Variants in C3orf20 observed in about 807,000 individuals in gnomAD.
The protein encoded by C3orf20 is family with sequence similarity 149 member C, also known as uncharacterized protein C3orf20.
A neutral mutation model predicts 88.3 loss-of-function variants in C3orf20; 76 were observed. The ratio of observed to expected loss-of-function variants is 0.86; its 90% CI spans 0.72 to 1.04. The LOEUF is 1.04. Among genes scored for constraint, C3orf20 ranks in the 50% least tolerant of loss-of-function variants. The pLI, the probability that C3orf20 is intolerant of heterozygous loss-of-function variation, is 0.00. For synonymous variants in C3orf20, 436 were observed against 437.4 expected (o/e 1.00, Z 0.04); for missense variants, 1,056 against 1,123.3 (o/e 0.94, Z 0.86).
At chr3:14,769,019 T>A (rs2035792815) in intron 15 of C3orf20, among the ~76,000 whole-genome samples, 1 of 152,030 alleles carries the variant, frequency 6.6e-6, no homozygotes, top group Non-Finnish European at 1.5e-5. Context: ...TCGTTCACGA[T>A]CCTCTGATGT....
intron 10 of C3orf20, chr3:14,722,715 A>T: frequency 5.1e-6 from 2 of 388,540 alleles, no homozygotes; most frequent in Non-Finnish European, 1.0e-5. Flanking sequence ...CAGCATGAGG[A>T]CTACTTCAAA....
chr3:14,753,994 A>G (rs1171379388), intron 12 of C3orf20, among the ~76,000 whole-genome samples: 1 of 152,186 alleles, frequency 6.6e-6, no homozygotes, highest in East Asian at 1.9e-4. Context: ...TTTACCTTCT[A>G]CTTTCAAAAA....
At chr3:14,709,121 A>G (rs2033638637) in intron 7 of C3orf20, among the ~76,000 whole-genome samples, 1 of 147,810 alleles carries the variant, frequency 6.8e-6, no homozygotes. Context: ...ACTGAAAACT[A>G]CAAAACATTG....
chr3:14,691,619 T>C (rs2032735209), intron 5 of C3orf20, among the ~76,000 whole-genome samples: 1 of 152,214 alleles, frequency 6.6e-6, no homozygotes, highest in Admixed American at 6.5e-5. Flanking sequence ...CATATAACTT[T>C]TTTTAATTTT....
intron 9 of C3orf20, 86 bp downstream of exon 9, chr3:14,715,495 T>C (rs1341159806): frequency 6.7e-7 from 1 of 1,482,208 alleles, no homozygotes; most frequent in Non-Finnish European, 9.0e-7. Context: ...CTGCCTAGCA[T>C]TAAAAGCCCA....
chr3:14,698,322 G>A (rs1230832027), intron 5 of C3orf20, among the ~76,000 whole-genome samples: 1 of 152,226 alleles, frequency 6.6e-6, no homozygotes, highest in Non-Finnish European at 1.5e-5. Flanking sequence ...TTCCTGGATG[G>A]TCTTAATGCC....
In C3orf20 at chr3:14,772,697, G is replaced by T; in HGVS notation, c.2631-94G>T. ...CCAACAGCCTCACCTGTGCAAGGGAGAGGGCCTTGCCCCTCCTGGCCCAAC... is the reference window on the plus strand; with the variant it reads ...CCAACAGCCTCACCTGTGCAAGGGATAGGGCCTTGCCCCTCCTGGCCCAAC... On this transcript the variant is annotated intron_variant, in intron 16 of 16. Coordinates refer to ENST00000253697, the MANE Select transcript of C3orf20 (RefSeq NM_032137.5). The surrounding 1 kb of genome is among the most constrained non-coding windows in gnomAD (Gnocchi z 4.2). 1 of 970,844 alleles carries T rather than the reference G, an allele frequency of 1.0e-6. No individual in the cohort carries two copies. The highest frequency in any genetic ancestry group is 2.5e-5 in the East Asian group (1 of 40,454). The allele number at this position is 970,844 out of a possible 1,614,324, so 60.1% of individuals were successfully genotyped here. A position where few individuals can be genotyped will look rare whatever the true frequency, so the allele number is the denominator to read the frequency against.
chr3:14,729,134 G>A (rs1034216191), intron 12 of C3orf20, among the ~76,000 whole-genome samples: 2 of 152,180 alleles, frequency 1.3e-5, no homozygotes, highest in Admixed American at 6.5e-5. Context: ...TGGACATTGA[G>A]GGTCAGGCCT....
intron 10 of C3orf20, among the ~76,000 whole-genome samples, chr3:14,725,588 C>A (rs989331806): frequency 6.6e-6 from 1 of 152,150 alleles, no homozygotes; most frequent in Admixed American, 6.5e-5. Flanking sequence ...AAGATGAGTG[C>A]AGAAGCAGCA....
intron 12 of C3orf20, among the ~76,000 whole-genome samples, chr3:14,749,178 A>G (rs1226383759): frequency 6.6e-6 from 1 of 152,132 alleles, no homozygotes; most frequent in Non-Finnish European, 1.5e-5. Flanking sequence ...AGATAGAGTA[A>G]CTGTCTTCTA....
chr3:14,677,436 T>A (rs909457256), intron 1 of C3orf20, among the ~76,000 whole-genome samples: 1 of 152,192 alleles, frequency 6.6e-6, no homozygotes, highest in Non-Finnish European at 1.5e-5. Flanking sequence ...CCTGGCAGTT[T>A]GCTGGGTCTG....
chr3:14,734,034 G>A lies in C3orf20; in HGVS notation c.1940+5346G>A, dbSNP rs1027323049. Among the ~76,000 whole-genome samples the A allele has an allele frequency of 2.6e-5, 4 of 152,288 alleles. No individual in the cohort carries two copies. In the East Asian group the frequency reaches 5.8e-4, roughly 22 times the overall value. On this transcript the variant is annotated intron_variant, in intron 12 of 16. Coordinates refer to ENST00000253697, the MANE Select transcript of C3orf20 (RefSeq NM_032137.5). ...TCCTTTTGCAATATTTTAAATGACT[G>A]TGTTGATCTCTAGTGATACCCTCTT...
chr3:14,749,506 C>T (rs1439302070), intron 12 of C3orf20, among the ~76,000 whole-genome samples: 3 of 152,108 alleles, frequency 2.0e-5, no homozygotes, highest in African/African-American at 4.8e-5. Flanking sequence ...AAATGCATCT[C>T]GTGTAGGGAG....
At chr3:14,738,164 C>CTTTTTTTTT (rs35948176) in intron 12 of C3orf20, among the ~76,000 whole-genome samples, 1 of 107,348 alleles carries the variant, frequency 9.3e-6, no homozygotes, top group African/African-American at 3.9e-5. Flanking sequence ...ACAAATATTC[C>CTTTTTTTTT]TTTTTTTTTT....
At chr3:14,761,739 G>C (rs780457077) in intron 15 of C3orf20, 124 bp downstream of exon 15, 15 of 928,440 alleles carry the variant, frequency 1.6e-5, no homozygotes, top group African/African-American at 1.2e-4. Flanking sequence ...GAGTGGGGAG[G>C]GGGGCTGGAG....
intron 7 of C3orf20, among the ~76,000 whole-genome samples, chr3:14,712,973 T>C (rs927633707): frequency 2.6e-5 from 4 of 152,194 alleles, no homozygotes; most frequent in African/African-American, 9.6e-5. Context: ...AGATATTTCA[T>C]ATTGCTGCCT....
intron 1 of C3orf20, among the ~76,000 whole-genome samples, chr3:14,680,646 T>G (rs1424046868): frequency 6.6e-6 from 1 of 150,636 alleles, no homozygotes; most frequent in African/African-American, 2.4e-5. Context: ...GAATTCTATC[T>G]CAATAAAGCT....
In C3orf20 at chr3:14,720,973, G is replaced by A. The variant is rs116635923; in HGVS notation, c.1435-680G>A. Among the ~76,000 whole-genome samples, 531 of 152,294 alleles carry A rather than the reference G, an allele frequency of 3.5e-3. 1 individual carries two copies. Among genetic ancestry groups the A allele is most frequent in the African/African-American group, 0.012 (508 of 41,562 alleles). On this transcript the variant is annotated intron_variant, in intron 9 of 16. Transcript: ENST00000253697. ...CGTAGACCACAGAGCTCTCAGTAAG[G>A]CGTGAGTTGTTATAAGGGCAACTCA...
intron 8 of C3orf20, 119 bp from the exon 9 acceptor site, chr3:14,715,170 A>T (rs2033892380): frequency 6.2e-6 from 8 of 1,282,190 alleles, no homozygotes; most frequent in Non-Finnish European, 8.5e-6. Flanking sequence ...TGACTGCAGG[A>T]CTCCACCACT....
Sources: allele counts gnomAD v4.1 joint callset (sites outside exome capture counted in the v4.1 genomes callset), GRCh38; gene constraint gnomAD v4.1.1; non-coding constraint Gnocchi (gnomAD v3.1); transcripts MANE v1.5; gene names NCBI Gene and HGNC (gene_info 2026-07-23, HGNC 2026-07-21).